The following SLC26A1 variants were observed in gnomAD, a reference collection of about 807,000 sequenced individuals.
The protein encoded by SLC26A1 is solute carrier family 26 member 1, also known as sulfate anion transporter 1.
A neutral mutation model predicts 14.5 loss-of-function variants in SLC26A1; 18 were observed. The observed-to-expected ratio is 1.24, with a 90% CI of 0.86 to 1.84. SLC26A1 has a LOEUF of 1.84. SLC26A1 is among the 40% of genes most tolerant of loss of function. The probability of loss-of-function intolerance (pLI) is 0.00; values close to 1 mark genes in which losing one functional copy is unlikely to be tolerated. For synonymous variants in SLC26A1, 505 were observed against 492.0 expected, an observed-to-expected ratio of 1.03 and a Z score of -0.35; for missense variants, 1,049 against 1,020.0, an observed-to-expected ratio of 1.03 and a Z score of -0.39.
intron 2 of SLC26A1, among the ~76,000 whole-genome samples, chr4:980,279 C>T (rs1277157993): frequency 2.0e-5 from 3 of 152,184 alleles, no homozygotes; most frequent in Non-Finnish European, 1.5e-5. Flanking sequence ...CGCCCAAGGC[C>T]AGTGCATTAA....
Position 988,149 on chromosome 4 carries a change from C to A in SLC26A1, c.*684G>T, listed in dbSNP as rs1166288242. On this transcript the variant is annotated 3_prime_UTR_variant, in exon 3 of 3. Coordinates refer to ENST00000398516, the MANE Select transcript of SLC26A1 (RefSeq NM_022042.4). ...GAGCCCCTGCATGGGGCACGGTGGGCTTCCTGCAGGTCTCCCTGCAGGCTC... is the reference window on the plus strand; with the variant it reads ...GAGCCCCTGCATGGGGCACGGTGGGATTCCTGCAGGTCTCCCTGCAGGCTC... 1.6e-5 allele frequency: 23 copies of A among 1,402,456 alleles called. No individual in the cohort carries two copies. The highest frequency in any genetic ancestry group is 1.9e-5 in the Non-Finnish European group (20 of 1,080,282). 86.9% of individuals were successfully genotyped at this position (1,402,456 alleles called of 1,614,324 possible).
chr4:988,786 G>A lies in SLC26A1; in HGVS notation c.*47C>T, dbSNP rs759733492. 5 of 1,482,750 alleles carry A rather than the reference G, an allele frequency of 3.4e-6. No individual in the cohort carries two copies. The highest frequency in any genetic ancestry group is 4.5e-6 in the Non-Finnish European group (5 of 1,115,902). The allele number at this position is 1,482,750 out of a possible 1,614,324, so 91.8% of individuals were successfully genotyped here. ...CAGCAGTGGCTTGCAGACGTCTGCT[G>A]TGGGTCCCCAGGAGGGAGCAGAGGC... On this transcript the variant is annotated 3_prime_UTR_variant, in exon 3 of 3. Coordinates refer to ENST00000398516, the MANE Select transcript of SLC26A1 (RefSeq NM_022042.4).
chr4:990,921 C>T (rs1034007526), intron 2 of SLC26A1: 25 of 561,192 alleles, frequency 4.5e-5, no homozygotes, highest in African/African-American at 4.0e-4. Context: ...TCCCCGTGCC[C>T]CTCCCCTCCT....
chr4:987,583 C>T, downstream of SLC26A1: 3 of 1,390,060 alleles, frequency 2.2e-6, no homozygotes, highest in Non-Finnish European at 2.8e-6. Flanking sequence ...CCTGGCAGGG[C>T]CAGGGCCAGG....
chr4:979,565 G>A, intron 2 of SLC26A1: 1 of 1,597,502 alleles, frequency 6.3e-7, no homozygotes, highest in Non-Finnish European at 8.5e-7. Flanking sequence ...CGTCTCCACA[G>A]CCAAACGTCC....
chr4:990,728 T>A, intron 2 of SLC26A1: 1 of 394,380 alleles, frequency 2.5e-6, no homozygotes, highest in Non-Finnish European at 4.6e-6. Context: ...CATGCAGATG[T>A]GGAGCCAACG....
At chr4:986,989 C>A, downstream of SLC26A1, 1 of 1,221,018 alleles carries the variant, frequency 8.2e-7, no homozygotes, top group South Asian at 1.3e-5. Context: ...CCCCGCCCCG[C>A]GGCGGCGGTC....
downstream of SLC26A1, chr4:986,755 T>TA (rs531560453): frequency 3.3e-3 from 1,623 of 493,806 alleles, 24 homozygotes; most frequent in African/African-American, 0.026. Context: ...AGACTCTGTC[T>TA]CAAAAACACA....
chr4:979,784 G>C (rs988517259), intron 2 of SLC26A1, among the ~76,000 whole-genome samples: 4 of 152,252 alleles, frequency 2.6e-5, no homozygotes, highest in Non-Finnish European at 5.9e-5. Flanking sequence ...ACGTGGACCA[G>C]GCTGGCACAA....
At position 987,938 on chromosome 4, in the gene SLC26A1, T is replaced by TG; in HGVS notation, c.*894dup. On this transcript the variant is annotated 3_prime_UTR_variant, in exon 3 of 3. Coordinates refer to ENST00000398516, the MANE Select transcript of SLC26A1 (RefSeq NM_022042.4). ...TCCGGACCCACTGGCTGCTGGAGCT[T>TG]GTCACCACCAGGTGGGCGGCGGGCA... The TG allele has an allele frequency of 6.3e-7, 1 of 1,586,512 alleles. No individual in the cohort carries two copies. The highest frequency in any genetic ancestry group is 8.6e-7 in the Non-Finnish European group (1 of 1,166,804).
At chr4:990,403 G>A (rs762803524) in intron 2 of SLC26A1, 41 bp from the exon 3 acceptor site, 2 of 1,523,758 alleles carry the variant, frequency 1.3e-6, no homozygotes, top group Admixed American at 2.0e-5. Flanking sequence ...CGCCTGGCGG[G>A]AGCCACCTGC....
chr4:986,945 CCCCT>C, downstream of SLC26A1: 1 of 465,946 alleles, frequency 2.1e-6, no homozygotes, highest in Non-Finnish European at 4.2e-6. Flanking sequence ...GGCCACCCAA[CCCCT>C]CCCACCCGGC....
chr4:990,572 G>A lies in SLC26A1; in HGVS notation c.577-210C>T, dbSNP rs762050255. The A allele has an allele frequency of 6.7e-5, 40 of 595,618 alleles. 1 individual carries two copies. The highest frequency in any genetic ancestry group is 1.1e-4 in the Non-Finnish European group (37 of 335,318). The allele number at this position is 595,618 out of a possible 1,614,324, so 36.9% of individuals were successfully genotyped here. On this transcript the variant is annotated intron_variant, in intron 2 of 2. Transcript: ENST00000398516. ...GCCCGCAGACAACTGTGACATCCACGTGAGCATCACACGTGCACACAGCTG... is the reference window on the plus strand; with the variant it reads ...GCCCGCAGACAACTGTGACATCCACATGAGCATCACACGTGCACACAGCTG...
Position 980,698 on chromosome 4 carries a change from G to T in SLC26A1, c.577-1194C>A, listed in dbSNP as rs574447050. ...GCCAGATTTTTAAGACGAAAACCAA[G>T]ATTTTGTTTAAGAAAAAAAGAAGGA... On this transcript the variant is annotated intron_variant, in intron 2 of 2. Transcript: ENST00000398520. Among the ~76,000 whole-genome samples, 39 of 151,514 alleles carry T rather than the reference G, an allele frequency of 2.6e-4. 1 individual carries two copies. The South Asian group carries it at 8.1e-3, about 32-fold the overall frequency.
chr4:989,547 C>A lies in SLC26A1; in HGVS notation c.1392G>T (p.Trp464Cys). 1 of 1,572,174 alleles carries A rather than the reference C, an allele frequency of 6.4e-7. No individual in the cohort carries two copies. The highest frequency in any genetic ancestry group is 1.2e-5 in the South Asian group (1 of 86,046). The change falls in exon 3 of 3, where the codon TGG becomes TGT. Residue 464 changes from tryptophan to cysteine, a missense_variant. Transcript: ENST00000398516. ...LRKVWDLPRLWRMSPADALVW... is the reference protein window; with the variant it reads ...LRKVWDLPRLCRMSPADALVW... ...CCAGCGCGTCAGCCGGGCTCATCCG[C>A]CACAGCCGCGGGAGGTCCCACACCT...
rs372004213 is a variant in SLC26A1, at chr4:991,642, C to T, written c.62G>A (p.Arg21His). The change falls in exon 2 of 3, where the codon CGC becomes CAC. Residue 21 changes from arginine to histidine, a missense_variant. By Grantham distance (29) the Arg-to-His change is conservative (BLOSUM62 0). Transcript: ENST00000398516. The part of the protein sequence containing the change: ...GRGPVPVRRQ[R>H]PAPRGLREML... ...CTCACGCAGACCCCGGGGTGCTGGGCGCTGCCGTCGGACCGGCACCGGCCC... is the reference window on the plus strand; with the variant it reads ...CTCACGCAGACCCCGGGGTGCTGGGTGCTGCCGTCGGACCGGCACCGGCCC... The T allele has an allele frequency of 4.0e-5, 63 of 1,556,362 alleles. No homozygotes were observed. The highest frequency in any genetic ancestry group is 1.7e-4 in the Middle Eastern group (1 of 5,880).
downstream of SLC26A1, among the ~76,000 whole-genome samples, chr4:987,503 T>C (rs546150462): frequency 1.4e-3 from 214 of 152,062 alleles, 1 homozygote; most frequent in Non-Finnish European, 2.2e-3. Flanking sequence ...CCCCTGGGAG[T>C]GGACGGCCCT....
chr4:980,403 T>C (rs1713502066), intron 2 of SLC26A1, among the ~76,000 whole-genome samples: 1 of 152,088 alleles, frequency 6.6e-6, no homozygotes, highest in Admixed American at 6.5e-5. Flanking sequence ...CTGGCCAACA[T>C]GGTGAAACCC....
chr4:987,157 C>A (rs775731864), downstream of SLC26A1: 1 of 1,425,192 alleles, frequency 7.0e-7, no homozygotes, highest in Non-Finnish European at 9.1e-7. Flanking sequence ...CCCGGTGGCC[C>A]CGGCCGAGGC....
Sources: allele counts gnomAD v4.1 joint callset (sites outside exome capture counted in the v4.1 genomes callset), GRCh38; gene constraint gnomAD v4.1.1; transcripts MANE v1.5; gene names NCBI Gene and HGNC (gene_info 2026-07-23, HGNC 2026-07-21).